ACO1: variants seen among roughly 807,000 people sequenced by gnomAD.
ACO1 encodes the protein aconitase 1, also known as cytoplasmic aconitate hydratase.
In ACO1, 78 loss-of-function variants were observed where a neutral mutation model predicts 105.1. The ratio of observed to expected loss-of-function variants is 0.74; its 90% CI spans 0.62 to 0.90. ACO1 has a LOEUF of 0.90. ACO1 is among the 40% of genes least tolerant of loss of function. The pLI is 0.00. For synonymous variants in ACO1, 364 were observed against 397.4 expected (o/e 0.92, Z 1.00); for missense variants, 965 against 1,111.1 (o/e 0.87, Z 1.87).
In ACO1 at chr9:32,419,082, A is replaced by G. The variant is rs773945957; in HGVS notation, c.703A>G (p.Ile235Val). The change falls in exon 7 of 21, where the codon ATC becomes GTC. Residue 235 changes from isoleucine (I) to valine (V), a missense_variant. Transcript: ENST00000309951. The part of the protein sequence containing the change: ...EAEAVMLGQP[I>V]SMVLPQVIGY... ...AGAAGCTGTCATGCTGGGTCAGCCA[A>G]TCAGTATGGTGCTTCCTCAGGTGAT... The G allele has an allele frequency of 1.2e-6, 2 of 1,608,606 alleles. No homozygotes were observed. The highest frequency in any genetic ancestry group is 1.1e-5 in the South Asian group (1 of 90,190).
At chr9:32,431,904 G>T in intron 15 of ACO1, 61 bp downstream of exon 15, 1 of 1,597,040 alleles carries the variant, frequency 6.3e-7, no homozygotes, top group Non-Finnish European at 8.5e-7. Flanking sequence ...CTCCCTTTGT[G>T]TCCTGTCTGC....
chr9:32,431,679 T>C (rs1822239407), intron 14 of ACO1, 40 bp from the exon 15 acceptor site: 1 of 1,611,532 alleles, frequency 6.2e-7, no homozygotes, highest in East Asian at 2.2e-5. Flanking sequence ...GAAAATTGCA[T>C]ATTAGAAAGT....
intron 4 of ACO1, among the ~76,000 whole-genome samples, chr9:32,409,567 T>C (rs1381295879): frequency 6.6e-6 from 1 of 152,202 alleles, no homozygotes; most frequent in Admixed American, 6.5e-5. Context: ...AATGTCTTCG[T>C]TGGCCACGTG....
At chr9:32,385,143 C>G (rs891892853) in intron 1 of ACO1, among the ~76,000 whole-genome samples, 1 of 152,170 alleles carries the variant, frequency 6.6e-6, no homozygotes, top group Non-Finnish European at 1.5e-5. Flanking sequence ...GTTGTGCGGG[C>G]AGATCCGGGA....
At position 32,408,583 on chromosome 9, in the gene ACO1, G is replaced by T; in HGVS notation, c.336G>T (p.Glu112Asp). ...TGAAAAAGTTAGGAGGAGATCCAGA[G>T]AAAATAAACCCTGTCTGCCCTGCTG... ...DAVKKLGGDP[E>D]KINPVCPADL... is the part of the protein sequence containing the mutation. Residue 112 changes from glutamate to aspartate, a missense_variant, in exon 4 of 21, where the codon GAG becomes GAT. Coordinates refer to ENST00000309951, the MANE Select transcript of ACO1 (RefSeq NM_002197.3). 6.2e-7 allele frequency: 1 copy of T among 1,614,148 alleles called. No homozygotes were observed. Among genetic ancestry groups the T allele is most frequent in the African/African-American group, 1.3e-5 (1 of 75,038 alleles).
At chr9:32,420,351 T>G (rs10970971) in intron 7 of ACO1, among the ~76,000 whole-genome samples, 45,708 of 152,216 alleles carry the variant, frequency 0.3, 7,579 homozygotes, top group East Asian at 0.53. Context: ...TTCCAGACGC[T>G]TCCAATGATC....
Position 32,384,671 on chromosome 9 carries a change from C to G in ACO1, c.-87C>G. The G allele has an allele frequency of 2.5e-6, 1 of 405,198 alleles. No individual in the cohort carries two copies. Among genetic ancestry groups the G allele is most frequent in the Non-Finnish European group, 4.9e-6 (1 of 204,004 alleles). 25.1% of individuals were successfully genotyped at this position (405,198 alleles called of 1,614,324 possible). ...GCGGCAGCTGGAACCGCGCAGCGCA[C>G]GGGAACGCGTCCCGCTGCTTGGGTC... is the stretch of plus-strand genomic sequence containing the variant. On this transcript the variant is annotated 5_prime_UTR_variant, in exon 1 of 21. Coordinates refer to ENST00000309951, the MANE Select transcript of ACO1 (RefSeq NM_002197.3).
Position 32,430,512 on chromosome 9 carries a change from C to G in ACO1, c.1664C>G (p.Pro555Arg), listed in dbSNP as rs147879556. The G allele has an allele frequency of 9.4e-5, 152 of 1,611,366 alleles. No individual in the cohort carries two copies. The highest frequency in any genetic ancestry group is 2.0e-4 in the South Asian group (18 of 90,256). The change falls in exon 14 of 21, where the codon CCC becomes CGC. Residue 555 changes from proline (P) to arginine (R), a missense_variant. Physicochemically the swap from Pro to Arg is moderately radical, Grantham distance 103. Transcript: ENST00000309951. ...NTRANYLASP[P>R]LVIAYAIAGT... ...CGGGCCAACTATTTAGCCTCTCCCC[C>G]CTTAGTAATAGCATATGCAATTGCT... is the stretch of plus-strand genomic sequence containing the variant.
chr9:32,399,821 A>G (rs1469994305), intron 1 of ACO1, among the ~76,000 whole-genome samples: 2 of 147,932 alleles, frequency 1.4e-5, no homozygotes, highest in Non-Finnish European at 3.0e-5. Flanking sequence ...TTTTTTTTTG[A>G]AAAATTCAAA....
intron 4 of ACO1, among the ~76,000 whole-genome samples, chr9:32,417,623 T>G (rs10435797): frequency 0.32 from 49,037 of 152,058 alleles, 8,299 homozygotes; most frequent in East Asian, 0.53. Flanking sequence ...TCATAAACCT[T>G]GGTCCTACAC....
chr9:32,390,041 G>A (rs927809075), intron 1 of ACO1, among the ~76,000 whole-genome samples: 2 of 152,056 alleles, frequency 1.3e-5, no homozygotes, highest in Admixed American at 6.5e-5. Flanking sequence ...CAGGTGATCC[G>A]CCTGCCTCAG....
intron 1 of ACO1, among the ~76,000 whole-genome samples, chr9:32,400,300 A>C (rs538366064): frequency 1.3e-5 from 2 of 152,170 alleles, no homozygotes; most frequent in East Asian, 1.9e-4. Flanking sequence ...ATATTTTTTA[A>C]AGTTACCACC....
At chr9:32,395,070 G>C (rs1481206772) in intron 1 of ACO1, among the ~76,000 whole-genome samples, 1 of 152,186 alleles carries the variant, frequency 6.6e-6, no homozygotes, top group Non-Finnish European at 1.5e-5. Flanking sequence ...GAGTTCAGGA[G>C]CCTGAGGAAA....
chr9:32,390,433 T>C (rs1307490740), intron 1 of ACO1, among the ~76,000 whole-genome samples: 2 of 152,242 alleles, frequency 1.3e-5, no homozygotes, highest in Non-Finnish European at 2.9e-5. Context: ...TCCTTTGACT[T>C]TTCTTATAAC....
chr9:32,436,372 C>G lies in ACO1; in HGVS notation c.2222C>G (p.Thr741Ser). The change falls in exon 18 of 21, where the codon ACT becomes AGT. Residue 741 changes from threonine (T) to serine (S), a missense_variant. Thr to Ser is a moderately conservative substitution (Grantham distance 58). Coordinates refer to ENST00000309951, the MANE Select transcript of ACO1 (RefSeq NM_002197.3). Reference protein sequence around the residue: ...NRFLNKQAPQTIHLPSGEILD... With the variant: ...NRFLNKQAPQSIHLPSGEILD... The stretch of plus-strand genomic sequence containing the variant: ...TTTTTGAACAAGCAGGCACCACAGA[C>G]TATCCATCTGCCTTCTGGGGAAATC... The G allele has an allele frequency of 6.2e-7, 1 of 1,614,192 alleles. No individual in the cohort carries two copies. The highest frequency in any genetic ancestry group is 8.5e-7 in the Non-Finnish European group (1 of 1,180,002).
At chr9:32,411,855 C>T (rs1320068859) in intron 4 of ACO1, among the ~76,000 whole-genome samples, 1 of 152,146 alleles carries the variant, frequency 6.6e-6, no homozygotes, top group Non-Finnish European at 1.5e-5. Context: ...TACTTCCAAG[C>T]ATACCCTTTA....
Position 32,450,290 on chromosome 9 carries a change from C to CTATT in ACO1, c.*181_*184dup. On this transcript the variant is annotated 3_prime_UTR_variant, in exon 21 of 21. Coordinates refer to ENST00000309951, the MANE Select transcript of ACO1 (RefSeq NM_002197.3). Reference sequence around the variant, plus strand: ...ACAAAACCAGAAGTTTCTACATTCTCTATTTTTGTTAATCATCTTCTCTTT... The same window carrying CTATT: ...ACAAAACCAGAAGTTTCTACATTCTCTATTTATTTTTGTTAATCATCTTCTCTTT... The CTATT allele has an allele frequency of 1.4e-6, 1 of 700,154 alleles. No homozygotes were observed. The highest frequency in any genetic ancestry group is 2.6e-6 in the Non-Finnish European group (1 of 378,396). 43.4% of individuals were successfully genotyped at this position (700,154 alleles called of 1,614,324 possible).
At chr9:32,393,163 C>G (rs1821301816) in intron 1 of ACO1, among the ~76,000 whole-genome samples, 1 of 152,156 alleles carries the variant, frequency 6.6e-6, no homozygotes, top group Admixed American at 6.5e-5. Flanking sequence ...TGCCGGTGAG[C>G]CGGGGGGGAA....
intron 8 of ACO1, among the ~76,000 whole-genome samples, chr9:32,422,226 G>A (rs756354421): frequency 1.3e-5 from 2 of 152,160 alleles, no homozygotes; most frequent in Non-Finnish European, 2.9e-5. Flanking sequence ...GTAATCCAGT[G>A]CCAAATTTGT....
Sources: allele counts gnomAD v4.1 joint callset (sites outside exome capture counted in the v4.1 genomes callset), GRCh38; gene constraint gnomAD v4.1.1; transcripts MANE v1.5; gene names NCBI Gene and HGNC (gene_info 2026-07-23, HGNC 2026-07-21).